Variants in RASGEF1C observed in about 807,000 individuals in gnomAD.
The protein encoded by RASGEF1C is ras-GEF domain-containing family member 1C.
A neutral mutation model predicts 58.1 loss-of-function variants in RASGEF1C; 27 were observed. The observed-to-expected ratio is 0.46, with a 90% CI of 0.34 to 0.64. The LOEUF is 0.64. RASGEF1C is among the 30% of genes least tolerant of loss of function. The pLI is 0.01. For synonymous variants in RASGEF1C, 243 were observed against 246.3 expected, an observed-to-expected ratio of 0.99 and a Z score of 0.13; for missense variants, 502 against 605.1, an observed-to-expected ratio of 0.83 and a Z score of 1.79.
At chr5:180,200,477 T>A (rs74567452) in intron 1 of RASGEF1C, among the ~76,000 whole-genome samples, 1 of 150,092 alleles carries the variant, frequency 6.7e-6, no homozygotes, top group South Asian at 2.1e-4. Context: ...GCCAGGCTAA[T>A]TTTTTTTTGG....
rs1766493565 is a variant in RASGEF1C at position 180,137,042 on chromosome 5, C to T, written c.301-527G>A. On this transcript the variant is annotated intron_variant, in intron 3 of 13. Coordinates refer to ENST00000361132, the MANE Select transcript of RASGEF1C (RefSeq NM_175062.4). The surrounding 1 kb of genome is among the most constrained non-coding windows in gnomAD (Gnocchi z 4.1). Reference sequence around the variant, plus strand: ...CACCAGCCAGCCCGAGGGAGGCCAGCCCCGGGAAGCGGCAGCAGAGGGCGG... The same window carrying T: ...CACCAGCCAGCCCGAGGGAGGCCAGTCCCGGGAAGCGGCAGCAGAGGGCGG... Among the ~76,000 whole-genome samples, 1 of 152,184 alleles carries T rather than the reference C, an allele frequency of 6.6e-6. No individual in the cohort carries two copies. The highest frequency in any genetic ancestry group is 1.5e-5 in the Non-Finnish European group (1 of 68,020).
chr5:180,155,576 A>G lies in RASGEF1C; in HGVS notation c.-6-17518T>C, dbSNP rs1322480283. Among the ~76,000 whole-genome samples, 1 of 151,946 alleles carries G rather than the reference A, an allele frequency of 6.6e-6. No individual in the cohort carries two copies. Among genetic ancestry groups the G allele is most frequent in the Non-Finnish European group, 1.5e-5 (1 of 67,986 alleles). On this transcript the variant is annotated intron_variant, in intron 1 of 13. Coordinates refer to ENST00000361132, the MANE Select transcript of RASGEF1C (RefSeq NM_175062.4). The surrounding 1 kb of genome is among the most constrained non-coding windows in gnomAD (Gnocchi z 5.2). ...AGGAAGCTCTTGTTTCTGATTGCTC[A>G]GGGCCCGGCTTGCAGGCAATCTGTT... is the stretch of plus-strand genomic sequence containing the variant.
chr5:180,119,554 C>A, intron 7 of RASGEF1C, 106 bp from the exon 8 acceptor site: 1 of 797,024 alleles, frequency 1.3e-6, no homozygotes, highest in South Asian at 1.5e-5. Context: ...ACCCATTGCA[C>A]AGCTGAGGCA....
chr5:180,183,376 T>C (rs921025647), intron 1 of RASGEF1C, among the ~76,000 whole-genome samples: 1 of 151,610 alleles, frequency 6.6e-6, no homozygotes, highest in African/African-American at 2.4e-5. Context: ...AGTAATGCAA[T>C]GAATGATACC....
intron 1 of RASGEF1C, among the ~76,000 whole-genome samples, chr5:180,190,303 C>G (rs886643998): frequency 2.6e-5 from 4 of 151,690 alleles, no homozygotes; most frequent in Non-Finnish European, 5.9e-5. Flanking sequence ...CTGGCTAACA[C>G]GGTGAAACCC....
intron 1 of RASGEF1C, among the ~76,000 whole-genome samples, chr5:180,183,700 T>C (rs754657157): frequency 6.7e-6 from 1 of 149,116 alleles, no homozygotes; most frequent in Non-Finnish European, 1.5e-5. Context: ...GATGCATGCC[T>C]GTAATTCAAC....
At chr5:180,142,069 C>T (rs1047859223) in intron 1 of RASGEF1C, among the ~76,000 whole-genome samples, 1 of 152,118 alleles carries the variant, frequency 6.6e-6, no homozygotes, top group Non-Finnish European at 1.5e-5. Context: ...CTGAATGATG[C>T]ACGTGACAAA....
chr5:180,119,394 G>T lies in RASGEF1C; in HGVS notation c.859C>A (p.Arg287Ser). Residue 287 changes from arginine (R) to serine (S), a missense_variant, in exon 8 of 14, where the codon CGC becomes AGC. Physicochemically the swap from Arg to Ser is moderately radical, Grantham distance 110. Coordinates refer to ENST00000361132, the MANE Select transcript of RASGEF1C (RefSeq NM_175062.4). ...AAGTTGCCGATGTTGAAGCACTCGC[G>T]GGCCACGTCGATGAAGAACTCAATC... ...QVIEFFIDVA[R>S]ECFNIGNFNS... The T allele has an allele frequency of 6.2e-7, 1 of 1,614,128 alleles. No homozygotes were observed. The highest frequency in any genetic ancestry group is 2.2e-5 in the East Asian group (1 of 44,874).
At chr5:180,175,498 G>T (rs1767208929) in intron 1 of RASGEF1C, among the ~76,000 whole-genome samples, 1 of 152,296 alleles carries the variant, frequency 6.6e-6, no homozygotes, top group South Asian at 2.1e-4. Context: ...CCGGCCTTGG[G>T]CTCAGGACCC....
intron 1 of RASGEF1C, among the ~76,000 whole-genome samples, chr5:180,204,932 G>C (rs908703086): frequency 6.6e-6 from 1 of 152,210 alleles, no homozygotes; most frequent in Non-Finnish European, 1.5e-5. Flanking sequence ...GCTCATGCCT[G>C]TAATCCCAGC....
chr5:180,148,111 T>C (rs1190327873), intron 1 of RASGEF1C, among the ~76,000 whole-genome samples: 2 of 152,202 alleles, frequency 1.3e-5, no homozygotes, highest in East Asian at 3.8e-4. Flanking sequence ...TCTTTGTCTC[T>C]GGTAATCCTT....
intron 12 of RASGEF1C, among the ~76,000 whole-genome samples, chr5:180,103,696 G>A (rs2113232946): frequency 6.6e-6 from 1 of 152,218 alleles, no homozygotes; most frequent in South Asian, 2.1e-4. Context: ...GCACTAACTA[G>A]TTCTTCCATT....
At chr5:180,165,472 C>T (rs1157718058) in intron 1 of RASGEF1C, among the ~76,000 whole-genome samples, 1 of 151,888 alleles carries the variant, frequency 6.6e-6, no homozygotes, top group African/African-American at 2.4e-5. Flanking sequence ...GAGTTTGAGA[C>T]TAGCCTGGCC....
intron 4 of RASGEF1C, among the ~76,000 whole-genome samples, chr5:180,131,459 G>A (rs1352945542): frequency 6.6e-6 from 1 of 152,074 alleles, no homozygotes; most frequent in Non-Finnish European, 1.5e-5. Context: ...CTCAAGTGCT[G>A]TTTCCCCAGA....
chr5:180,145,517 C>T (rs1766650230), intron 1 of RASGEF1C, among the ~76,000 whole-genome samples: 1 of 152,184 alleles, frequency 6.6e-6, no homozygotes, highest in Admixed American at 6.5e-5. Flanking sequence ...TTGATAATGG[C>T]CATCCTAATG....
chr5:180,146,321 G>T (rs1044303196), intron 1 of RASGEF1C, among the ~76,000 whole-genome samples: 5 of 152,040 alleles, frequency 3.3e-5, no homozygotes, highest in African/African-American at 1.2e-4. Flanking sequence ...TTTGTATTTT[G>T]TATTTTGGTA....
chr5:180,160,519 C>T lies in RASGEF1C; in HGVS notation c.-6-22461G>A, dbSNP rs772479261. Among the ~76,000 whole-genome samples the T allele has an allele frequency of 1.6e-4, 25 of 152,330 alleles. No homozygotes were observed. In the South Asian group the frequency reaches 2.3e-3, roughly 14 times the overall value. ...CCTGGCTCCCCAAGGCAAAGCCCCC[C>T]GAACTGCACGCACCCATTTCTATCC... On this transcript the variant is annotated intron_variant, in intron 1 of 13. Transcript: ENST00000361132.
rs947840974 is a variant in RASGEF1C, at chr5:180,177,965, C to CT, written c.-7+31062dup. ...AGCCATGCCTGAAGCCCACCTTGGG[C>CT]TTTTTTTTTTTTTCTTTTTGAGGTG... is the stretch of plus-strand genomic sequence containing the variant. On this transcript the variant is annotated intron_variant, in intron 1 of 13. Coordinates refer to ENST00000361132, the MANE Select transcript of RASGEF1C (RefSeq NM_175062.4). This position sits in a 1 kb window ranked among gnomAD's most constrained non-coding sequence, Gnocchi z 5.0. 8.1e-4 allele frequency among the ~76,000 whole-genome samples: 116 copies of CT among 143,334 alleles called. No individual in the cohort carries two copies. Among genetic ancestry groups the CT allele is most frequent in the Middle Eastern group, 7.3e-3 (2 of 274 alleles). 94.0% of individuals were successfully genotyped at this position (143,334 alleles called of 152,430 possible).
intron 1 of RASGEF1C, among the ~76,000 whole-genome samples, chr5:180,151,001 A>G (rs1005209799): frequency 6.6e-6 from 1 of 150,976 alleles, no homozygotes; most frequent in Non-Finnish European, 1.5e-5. Context: ...TAGGAATCCA[A>G]CTTGCAAGGG....
Sources: allele counts gnomAD v4.1 joint callset (sites outside exome capture counted in the v4.1 genomes callset), GRCh38; gene constraint gnomAD v4.1.1; non-coding constraint Gnocchi (gnomAD v3.1); transcripts MANE v1.5; gene names NCBI Gene and HGNC (gene_info 2026-07-23, HGNC 2026-07-21).